The following SULF1 variants were observed in gnomAD, a reference collection of about 807,000 sequenced individuals.
SULF1 encodes extracellular sulfatase Sulf-1.
In SULF1, 46 loss-of-function variants were observed where a neutral mutation model predicts 110.5. The observed-to-expected ratio is 0.42, with a 90% confidence interval of 0.33 to 0.53. The LOEUF (loss-of-function observed/expected upper bound fraction) is 0.53. SULF1 is among the 20% of genes least tolerant of loss of function. The pLI is 0.12. For synonymous variants in SULF1, 371 were observed against 387.1 expected, an observed-to-expected ratio of 0.96 and a Z score of 0.49; for missense variants, 941 against 1,094.2, an observed-to-expected ratio of 0.86 and a Z score of 1.98.
At chr8:69,533,963 G>C (rs919699612) in intron 3 of SULF1, among the ~76,000 whole-genome samples, 10 of 152,292 alleles carry the variant, frequency 6.6e-5, no homozygotes, top group Admixed American at 2.0e-4. Flanking sequence ...GCAATGTTCA[G>C]TGCTAAAGTC....
rs141323256 is a variant in SULF1, at chr8:69,535,229, G to A, written c.-133-28310G>A. Among the ~76,000 whole-genome samples, 523 of 152,334 alleles carry A rather than the reference G, an allele frequency of 3.4e-3. 3 individuals carry two copies. The highest frequency in any genetic ancestry group is 0.012 in the African/African-American group (497 of 41,572). On this transcript the variant is annotated intron_variant, in intron 3 of 22. Coordinates refer to ENST00000402687, the MANE Select transcript of SULF1 (RefSeq NM_001128205.2). ...ATGTTTAGGCCCTTGTGTTTACAAT[G>A]TGGCTGCTCCAGCTCCAGCTTCACA...
chr8:69,660,499 T>C lies in SULF1; in HGVS notation c.*1964T>C, dbSNP rs1304594090. 6.6e-6 allele frequency: 1 copy of C among 152,622 alleles called. No homozygotes were observed. The highest frequency in any genetic ancestry group is 1.5e-5 in the Non-Finnish European group (1 of 68,032). The allele number at this position is 152,622 out of a possible 1,614,324, so 9.5% of individuals were successfully genotyped here. A position where few individuals can be genotyped will look rare whatever the true frequency, so the allele number is the denominator to read the frequency against. On this transcript the variant is annotated 3_prime_UTR_variant, in exon 23 of 23. Transcript: ENST00000402687. ...CACTGAGTCATCAGTACCCTCCTAT[T>C]CAGCTCCCCAAGATGATGTGTTTTT... is the stretch of plus-strand genomic sequence containing the variant.
chr8:69,535,577 C>G (rs1813379444), intron 3 of SULF1, among the ~76,000 whole-genome samples: 1 of 152,158 alleles, frequency 6.6e-6, no homozygotes, highest in South Asian at 2.1e-4. Context: ...AATAGGGCCT[C>G]TAGCGTTAGG....
rs146238300 is a variant in SULF1, at chr8:69,509,850, C to T, written c.-134+7882C>T. On this transcript the variant is annotated intron_variant, in intron 3 of 22. Coordinates refer to ENST00000402687, the MANE Select transcript of SULF1 (RefSeq NM_001128205.2). ...GTCTGTAAGTGCTGAAATGTCCCTC[C>T]TGGGTAAAAGGAGAGGAATGTAGTT... 2.8e-3 allele frequency among the ~76,000 whole-genome samples: 432 copies of T among 152,270 alleles called. 1 individual carries two copies. Among genetic ancestry groups the T allele is most frequent in the African/African-American group, 0.01 (418 of 41,548 alleles).
At position 69,660,490 on chromosome 8, in the gene SULF1, C is replaced by A. The variant is rs765773402; in HGVS notation, c.*1955C>A. ...GGATTACCTCACTGAGTCATCAGTA[C>A]CCTCCTATTCAGCTCCCCAAGATGA... On this transcript the variant is annotated 3_prime_UTR_variant, in exon 23 of 23. Transcript: ENST00000402687. 4.6e-5 allele frequency: 7 copies of A among 152,706 alleles called. No homozygotes were observed. Among genetic ancestry groups the A allele is most frequent in the African/African-American group, 1.4e-4 (6 of 41,550 alleles). The allele number at this position is 152,706 out of a possible 1,614,324, so 9.5% of individuals were successfully genotyped here. A position where few individuals can be genotyped will look rare whatever the true frequency, so the allele number is the denominator to read the frequency against.
intron 22 of SULF1, among the ~76,000 whole-genome samples, chr8:69,651,055 T>C (rs1563633655): frequency 2.1e-5 from 3 of 141,452 alleles, no homozygotes; most frequent in African/African-American, 8.8e-5. Context: ...TTTTTTCTTT[T>C]CTTTTTTTTT....
chr8:69,575,521 T>C (rs1805545318), intron 5 of SULF1, among the ~76,000 whole-genome samples: 1 of 152,188 alleles, frequency 6.6e-6, no homozygotes, highest in African/African-American at 2.4e-5. Context: ...TTTTCTCTTT[T>C]CTTTCATACG....
intron 3 of SULF1, among the ~76,000 whole-genome samples, chr8:69,508,385 A>G (rs1315032171): frequency 6.6e-6 from 1 of 152,244 alleles, no homozygotes; most frequent in Non-Finnish European, 1.5e-5. Flanking sequence ...GGTTACAGGC[A>G]TGAGCCACCA....
At chr8:69,470,158 C>T (rs868546967) in intron 1 of SULF1, among the ~76,000 whole-genome samples, 3 of 152,134 alleles carry the variant, frequency 2.0e-5, no homozygotes, top group South Asian at 2.1e-4. Context: ...TCAGGACATC[C>T]GGTTTTTTTT....
chr8:69,555,303 T>C (rs956456315), intron 3 of SULF1, among the ~76,000 whole-genome samples: 1 of 152,136 alleles, frequency 6.6e-6, no homozygotes, highest in Admixed American at 6.5e-5. Flanking sequence ...CACTCTGCTG[T>C]GTTTAGCCCT....
intron 2 of SULF1, among the ~76,000 whole-genome samples, chr8:69,496,329 C>G (rs1586224146): frequency 1.3e-5 from 2 of 152,314 alleles, no homozygotes; most frequent in Admixed American, 1.3e-4. Context: ...AGAGCCTTAC[C>G]ACTTATTAGA....
intron 22 of SULF1, among the ~76,000 whole-genome samples, chr8:69,644,947 A>G (rs1811773047): frequency 6.6e-6 from 1 of 152,112 alleles, no homozygotes; most frequent in African/African-American, 2.4e-5. Context: ...CTGTCTTACT[A>G]GCACTGTTGG....
intron 13 of SULF1, among the ~76,000 whole-genome samples, chr8:69,607,856 G>C (rs1808346840): frequency 6.6e-6 from 1 of 152,278 alleles, no homozygotes; most frequent in African/African-American, 2.4e-5. Context: ...CTTGGAATCT[G>C]CTCTCTCTCG....
chr8:69,521,482 C>G (rs765433597), intron 3 of SULF1, among the ~76,000 whole-genome samples: 9 of 152,062 alleles, frequency 5.9e-5, no homozygotes, highest in Non-Finnish European at 1.3e-4. Flanking sequence ...TGAACAAAGA[C>G]TTGAAGGAGT....
chr8:69,624,050 T>C lies in SULF1; in HGVS notation c.1703T>C (p.Leu568Ser). Residue 568 changes from leucine (L) to serine (S), a missense_variant, in exon 15 of 23, where the codon TTG (leucine) becomes TCG (serine). Leu to Ser is a moderately radical substitution (Grantham distance 145, BLOSUM62 -2). Around this residue, in one of 3 missense-constraint regions of SULF1, gnomAD observed 822 missense variants for 934.3 expected, o/e 0.88. Coordinates refer to ENST00000402687, the MANE Select transcript of SULF1 (RefSeq NM_001128205.2). ...NLEEEEELQV[L>S]QPRNIAKRHD... Reference sequence around the variant, plus strand: ...GAAGAAGAAGAAGAATTGCAAGTGTTGCAACCAAGAAACATTGCTAAGCGT... The same window carrying C: ...GAAGAAGAAGAAGAATTGCAAGTGTCGCAACCAAGAAACATTGCTAAGCGT... 6.2e-7 allele frequency: 1 copy of C among 1,614,204 alleles called. No individual in the cohort carries two copies. The highest frequency in any genetic ancestry group is 8.5e-7 in the Non-Finnish European group (1 of 1,180,040).
chr8:69,514,320 G>A (rs1456958203), intron 3 of SULF1, among the ~76,000 whole-genome samples: 1 of 152,164 alleles, frequency 6.6e-6, no homozygotes, highest in Non-Finnish European at 1.5e-5. Context: ...TGTCCTACAT[G>A]GCTGGAGCAG....
intron 3 of SULF1, among the ~76,000 whole-genome samples, chr8:69,502,181 C>T (rs1213920116): frequency 6.6e-6 from 1 of 152,122 alleles, no homozygotes. Flanking sequence ...GTCACGAAAT[C>T]AGTCCTAAGA....
chr8:69,495,023 T>A (rs1810239389), intron 1 of SULF1, among the ~76,000 whole-genome samples: 2 of 151,846 alleles, frequency 1.3e-5, no homozygotes, highest in African/African-American at 4.8e-5. Context: ...CAGGGCTGGA[T>A]GAAGGGAATG....
intron 19 of SULF1, among the ~76,000 whole-genome samples, chr8:69,631,074 T>G: frequency 6.6e-6 from 1 of 151,426 alleles, no homozygotes; most frequent in African/African-American, 2.4e-5. Flanking sequence ...GTCTTTGAGG[T>G]GAAATTTAGG....
Sources: gnomAD v4.1 joint callset for allele counts (sites outside exome capture counted in the v4.1 genomes callset) on GRCh38, gnomAD v4.1.1 for gene constraint, gnomAD v4.1.1 regional missense constraint, MANE v1.5 for transcripts, NCBI Gene and HGNC (gene_info 2026-07-23, HGNC 2026-07-21) for gene names.